Variants in PCDH7 observed in about 807,000 individuals in gnomAD.
PCDH7 encodes protocadherin 7, also known as protocadherin-7.
Under a neutral mutation model 58.9 loss-of-function variants are expected in PCDH7, and 17 were observed. That is an observed-to-expected ratio of 0.29 (90% CI 0.20 to 0.43). The LOEUF (loss-of-function observed/expected upper bound fraction) is 0.43. Ranked by LOEUF, PCDH7 falls within the 20% of genes least tolerant of loss-of-function variation. The pLI is 1.00. For synonymous variants in PCDH7, 664 were observed against 616.4 expected (o/e 1.08, Z -1.14); for missense variants, 1,274 against 1,441.0 (o/e 0.88, Z 1.88).
intron 1 of PCDH7, among the ~76,000 whole-genome samples, chr4:30,817,954 C>T (rs529365838): frequency 2.6e-5 from 4 of 152,286 alleles, no homozygotes; most frequent in Admixed American, 1.3e-4. Context: ...CAAGGTCCTA[C>T]AGGACCTGGT....
At chr4:31,021,484 T>C (rs1754012266) in intron 3 of PCDH7, among the ~76,000 whole-genome samples, 1 of 152,182 alleles carries the variant, frequency 6.6e-6, no homozygotes, top group Non-Finnish European at 1.5e-5. Context: ...TGCTAACTGT[T>C]GTAATCAACA....
chr4:30,854,195 C>CA (rs556021155), intron 1 of PCDH7, among the ~76,000 whole-genome samples: 179 of 151,090 alleles, frequency 1.2e-3, no homozygotes, highest in African/African-American at 4.1e-3. Context: ...TAGGCTACAT[C>CA]ACAGCCTCTC....
intron 3 of PCDH7, among the ~76,000 whole-genome samples, chr4:30,954,891 C>T (rs1747693573): frequency 1.3e-5 from 2 of 152,100 alleles, no homozygotes; most frequent in African/African-American, 4.8e-5. Context: ...GGAGACTGAG[C>T]TAAATCACGG....
intron 1 of PCDH7, among the ~76,000 whole-genome samples, chr4:30,753,031 T>C (rs1560332994): frequency 6.6e-6 from 1 of 152,034 alleles, no homozygotes; most frequent in Non-Finnish European, 1.5e-5. Flanking sequence ...GAATAAGAAG[T>C]GTTGAGATTC....
At chr4:30,998,956 C>T (rs188693060) in intron 3 of PCDH7, among the ~76,000 whole-genome samples, 12 of 152,094 alleles carry the variant, frequency 7.9e-5, no homozygotes, top group African/African-American at 2.9e-4. Context: ...TTGATTAAAC[C>T]AATTTTTGGT....
At chr4:30,826,153 A>G (rs1729067038) in intron 1 of PCDH7, among the ~76,000 whole-genome samples, 1 of 152,156 alleles carries the variant, frequency 6.6e-6, no homozygotes, top group African/African-American at 2.4e-5. Context: ...TCCATTCGAT[A>G]ACCTCATTAA....
intron 1 of PCDH7, among the ~76,000 whole-genome samples, chr4:30,766,241 T>C (rs974963508): frequency 6.6e-6 from 1 of 152,062 alleles, no homozygotes; most frequent in Non-Finnish European, 1.5e-5. Flanking sequence ...TTTTAAGATA[T>C]GCAACCCATC....
chr4:30,890,025 A>G (rs776325968), intron 1 of PCDH7, among the ~76,000 whole-genome samples: 21 of 152,186 alleles, frequency 1.4e-4, no homozygotes, highest in Non-Finnish European at 1.0e-4. Flanking sequence ...ACACACAGGG[A>G]TTATGGTCAG....
chr4:30,975,972 A>C (rs1750030576), intron 3 of PCDH7, among the ~76,000 whole-genome samples: 1 of 152,126 alleles, frequency 6.6e-6, no homozygotes. Flanking sequence ...TCTTACTTTG[A>C]AAGAATCTGC....
chr4:31,023,061 T>C (rs1023244339), intron 3 of PCDH7, among the ~76,000 whole-genome samples: 32 of 152,178 alleles, frequency 2.1e-4, no homozygotes, highest in African/African-American at 6.8e-4. Flanking sequence ...AACCGGCAAA[T>C]GTTTGCAATG....
chr4:30,780,591 A>G (rs1422726021), intron 1 of PCDH7, among the ~76,000 whole-genome samples: 2 of 152,224 alleles, frequency 1.3e-5, no homozygotes, highest in Admixed American at 6.5e-5. Flanking sequence ...CAAGAGAAAG[A>G]TGATTTAACA....
chr4:31,033,448 G>A (rs1283865318), intron 3 of PCDH7, among the ~76,000 whole-genome samples: 1 of 152,182 alleles, frequency 6.6e-6, no homozygotes, highest in Non-Finnish European at 1.5e-5. Flanking sequence ...TGGAGTAAGA[G>A]GATGGGGAGA....
intron 3 of PCDH7, among the ~76,000 whole-genome samples, chr4:31,037,185 G>A (rs1755480462): frequency 6.6e-6 from 1 of 151,978 alleles, no homozygotes; most frequent in African/African-American, 2.4e-5. Context: ...GTTATTTTCT[G>A]CATTTCTCTA....
chr4:30,889,355 A>T (rs115066551), intron 1 of PCDH7, among the ~76,000 whole-genome samples: 2,147 of 146,542 alleles, frequency 0.015, 43 homozygotes, highest in African/African-American at 0.051. Context: ...AATAATAACT[A>T]TTATTATCCT....
chr4:31,112,583 A>G (rs1471987387), intron 3 of PCDH7, among the ~76,000 whole-genome samples: 1 of 152,190 alleles, frequency 6.6e-6, no homozygotes, highest in Non-Finnish European at 1.5e-5. Context: ...CAGGATGAAC[A>G]GGAATCTCAA....
intron 1 of PCDH7, among the ~76,000 whole-genome samples, chr4:30,845,583 T>C (rs1054602834): frequency 2.6e-5 from 4 of 152,098 alleles, no homozygotes; most frequent in Non-Finnish European, 4.4e-5. Flanking sequence ...GGAAATAGGA[T>C]GGTTTACTGT....
intron 3 of PCDH7, among the ~76,000 whole-genome samples, chr4:31,052,041 G>T (rs546972003): frequency 1.1e-4 from 17 of 152,124 alleles, no homozygotes; most frequent in African/African-American, 3.6e-4. Flanking sequence ...AAGTGTTAAG[G>T]TTATAGCTGT....
intron 1 of PCDH7, among the ~76,000 whole-genome samples, chr4:30,907,727 T>C (rs1741154812): frequency 6.6e-6 from 1 of 152,196 alleles, no homozygotes. Context: ...AATTACCATT[T>C]GACACAGCAA....
chr4:30,815,648 G>A (rs1441219860), intron 1 of PCDH7, among the ~76,000 whole-genome samples: 1 of 152,176 alleles, frequency 6.6e-6, no homozygotes, highest in Non-Finnish European at 1.5e-5. Context: ...ATTACCAGTT[G>A]AGCGTTCCTA....
Sources: gnomAD v4.1 joint callset for allele counts (sites outside exome capture counted in the v4.1 genomes callset) on GRCh38, gnomAD v4.1.1 for gene constraint, MANE v1.5 for transcripts, NCBI Gene and HGNC (gene_info 2026-07-23, HGNC 2026-07-21) for gene names.